The following CDYL variants were observed in gnomAD, a reference collection of about 807,000 sequenced individuals.
The protein encoded by CDYL is chromodomain Y-like protein.
A neutral mutation model predicts 47.3 loss-of-function variants in CDYL; 8 were observed. The observed-to-expected ratio is 0.17, with a 90% CI of 0.10 to 0.31. CDYL has a LOEUF of 0.31. Ranked by LOEUF, CDYL falls within the 10% of genes least tolerant of loss-of-function variation. The probability of loss-of-function intolerance (pLI) is 1.00; values close to 1 mark genes in which losing one functional copy is unlikely to be tolerated. For missense variants in CDYL, 471 were observed against 701.4 expected (o/e 0.67, Z 3.71); for synonymous variants, 266 against 265.0 (o/e 1.00, Z -0.04).
At chr6:4,756,323 C>G (rs1228565115) in intron 3 of CDYL, among the ~76,000 whole-genome samples, 1 of 152,158 alleles carries the variant, frequency 6.6e-6, no homozygotes, top group Non-Finnish European at 1.5e-5. Flanking sequence ...TCACTCCACT[C>G]TTTTGCTCTC....
chr6:4,757,792 T>C (rs1262490946), intron 3 of CDYL, among the ~76,000 whole-genome samples: 2 of 152,172 alleles, frequency 1.3e-5, no homozygotes, highest in African/African-American at 4.8e-5. Flanking sequence ...ATCCCAGCAC[T>C]GTGGGAGGCC....
chr6:4,884,130 G>A (rs986531793), intron 1 of CDYL, among the ~76,000 whole-genome samples: 8 of 152,202 alleles, frequency 5.3e-5, no homozygotes, highest in African/African-American at 1.9e-4. Flanking sequence ...TAGGATTGCT[G>A]TAGATTTCCT....
chr6:4,935,890 C>G (rs937934368), intron 3 of CDYL, 119 bp downstream of exon 3: 5 of 1,456,838 alleles, frequency 3.4e-6, no homozygotes, highest in African/African-American at 2.8e-5. Flanking sequence ...GGCCATCTCC[C>G]GATGCCCACC....
At chr6:4,788,017 C>A (rs1581166951) in intron 1 of CDYL, among the ~76,000 whole-genome samples, 1 of 151,946 alleles carries the variant, frequency 6.6e-6, no homozygotes, top group East Asian at 2.0e-4. Flanking sequence ...ACTGATCTGC[C>A]CACCTTGGCC....
chr6:4,747,176 G>A (rs1476062973), intron 3 of CDYL, among the ~76,000 whole-genome samples: 2 of 151,796 alleles, frequency 1.3e-5, no homozygotes, highest in East Asian at 3.9e-4. Flanking sequence ...GAGTGGTGGC[G>A]GGCACCTGTA....
intron 3 of CDYL, among the ~76,000 whole-genome samples, chr6:4,936,946 A>C (rs1758212137): frequency 6.6e-6 from 1 of 152,244 alleles, no homozygotes; most frequent in South Asian, 2.1e-4. Context: ...CATCCCCAGC[A>C]TCTCAATCTC....
At chr6:4,735,015 A>G (rs1226239762) in intron 3 of CDYL, among the ~76,000 whole-genome samples, 2 of 152,166 alleles carry the variant, frequency 1.3e-5, no homozygotes, top group Admixed American at 1.3e-4. Flanking sequence ...GGCCGGGCAC[A>G]GTGGCTCATG....
At chr6:4,724,414 G>C (rs1582282607) in intron 2 of CDYL, 3 of 152,208 alleles carry the variant, frequency 2.0e-5, no homozygotes, top group East Asian at 1.9e-4. Context: ...GGCTTACCTT[G>C]ATGGGTTTAT....
At chr6:4,809,386 T>G (rs1365617581) in intron 1 of CDYL, among the ~76,000 whole-genome samples, 1 of 152,216 alleles carries the variant, frequency 6.6e-6, no homozygotes, top group African/African-American at 2.4e-5. Flanking sequence ...TAAACGGTGT[T>G]GCAATGAATA....
chr6:4,905,375 C>CCTCTCCTCCCACGAGACAGACCTGAACT (rs1363391877), intron 2 of CDYL, among the ~76,000 whole-genome samples: 3 of 152,190 alleles, frequency 2.0e-5, no homozygotes, highest in African/African-American at 4.8e-5. Context: ...TGGGTGCCTG[C>CCTCTCCTCCCACGAGACAGACCTGAACT]CTCTCCTCCC....
chr6:4,860,358 TC>T, intron 1 of CDYL, among the ~76,000 whole-genome samples: 1 of 151,748 alleles, frequency 6.6e-6, no homozygotes, highest in South Asian at 2.1e-4. Context: ...CTTCTTTCCC[TC>T]CCCATTCTCC....
At position 4,860,137 on chromosome 6, in the gene CDYL, G is replaced by A. The variant is rs1209522568; in HGVS notation, c.25-31576G>A. ...AGGATGGTCTCGATCTCCTGACCTC[G>A]TGATCCGCCCGCCTCGGCCTCCCAA... On this transcript the variant is annotated intron_variant, in intron 1 of 6. Transcript: ENST00000397588. Among the ~76,000 whole-genome samples, 8 of 151,990 alleles carry A rather than the reference G, an allele frequency of 5.3e-5. No individual in the cohort carries two copies. In the East Asian group the frequency reaches 1.2e-3, roughly 22 times the overall value.
intron 1 of CDYL, among the ~76,000 whole-genome samples, chr6:4,787,746 G>A (rs1015289694): frequency 6.7e-6 from 1 of 149,516 alleles, no homozygotes; most frequent in Non-Finnish European, 1.5e-5. Context: ...GTGCGGACAG[G>A]CTGCTCTGAA....
At chr6:4,871,192 CCTTT>C (rs1761463372) in intron 1 of CDYL, among the ~76,000 whole-genome samples, 1 of 152,134 alleles carries the variant, frequency 6.6e-6, no homozygotes, top group Non-Finnish European at 1.5e-5. Flanking sequence ...TCCCTGTCCC[CCTTT>C]CTTTTAGTCT....
intron 1 of CDYL, among the ~76,000 whole-genome samples, chr6:4,826,980 G>A (rs1232859154): frequency 6.6e-6 from 1 of 152,038 alleles, no homozygotes; most frequent in East Asian, 1.9e-4. Flanking sequence ...CATGTATTTT[G>A]GAGCACTGTT....
intron 1 of CDYL, among the ~76,000 whole-genome samples, chr6:4,870,052 T>C (rs1332908642): frequency 6.6e-6 from 1 of 152,196 alleles, no homozygotes; most frequent in African/African-American, 2.4e-5. Flanking sequence ...TTCTTTTTTC[T>C]TTTAAAAATA....
intron 2 of CDYL, among the ~76,000 whole-genome samples, chr6:4,922,179 G>A (rs1229771729): frequency 2.0e-5 from 3 of 152,102 alleles, no homozygotes; most frequent in Admixed American, 6.6e-5. Context: ...ATGGCTTGGG[G>A]GTTGGGTGAG....
upstream of CDYL, chr6:4,772,910 T>A (rs778865133): frequency 1.1e-5 from 4 of 350,324 alleles, no homozygotes; most frequent in African/African-American, 2.1e-5. Context: ...CCATCCCCCA[T>A]CTCCCCTTGG....
intron 2 of CDYL, among the ~76,000 whole-genome samples, chr6:4,895,060 T>C (rs556790174): frequency 7.7e-6 from 1 of 129,978 alleles, no homozygotes. Flanking sequence ...CATGTACATA[T>C]GGGTATATAT....
Sources: allele counts gnomAD v4.1 joint callset (sites outside exome capture counted in the v4.1 genomes callset), GRCh38; gene constraint gnomAD v4.1.1; transcripts MANE v1.5; gene names NCBI Gene and HGNC (gene_info 2026-07-23, HGNC 2026-07-21).